ADGRL4: variants seen among roughly 807,000 people sequenced by gnomAD.
The protein encoded by ADGRL4 is adhesion G protein-coupled receptor L4, also known as EGF, latrophilin and seven transmembrane domain containing 1.
In ADGRL4, 90 loss-of-function variants were observed where a neutral mutation model predicts 74.8. The observed-to-expected ratio is 1.20, with a 90% CI of 1.02 to 1.43. ADGRL4 has a LOEUF of 1.43. Among genes scored for constraint, ADGRL4 ranks in the 40% most tolerant of loss-of-function variants. ADGRL4 has a pLI of 0.00. For synonymous variants in ADGRL4, 311 were observed against 279.2 expected, an observed-to-expected ratio of 1.11 and a Z score of -1.14; for missense variants, 881 against 814.3, an observed-to-expected ratio of 1.08 and a Z score of -1.00.
chr1:78,893,058 C>CAAAAAAAAAAAAAA (rs10640737), intron 13 of ADGRL4, 40 bp downstream of exon 13: 1 of 777,714 alleles, frequency 1.3e-6, no homozygotes. Context: ...TTTTAATTAC[C>CAAAAAAAAAAAAAA]AAAAAAAAAA....
intron 2 of ADGRL4, among the ~76,000 whole-genome samples, chr1:78,947,568 T>C (rs896229109): frequency 1.3e-5 from 2 of 151,942 alleles, no homozygotes; most frequent in African/African-American, 4.8e-5. Context: ...AATAAATTTC[T>C]GATATTTTAA....
At chr1:78,892,436 C>T (rs1423087888) in intron 13 of ADGRL4, among the ~76,000 whole-genome samples, 1 of 152,054 alleles carries the variant, frequency 6.6e-6, no homozygotes, top group African/African-American at 2.4e-5. Context: ...ATTTTTAGTC[C>T]AGTCATTCTT....
At chr1:78,939,939 G>T (rs1341725876) in intron 3 of ADGRL4, 7 of 152,454 alleles carry the variant, frequency 4.6e-5, no homozygotes, top group African/African-American at 1.7e-4. Flanking sequence ...GACAATGGCA[G>T]AACAAACTTA....
chr1:78,999,442 A>G (rs986283797), intron 2 of ADGRL4, among the ~76,000 whole-genome samples: 139 of 152,166 alleles, frequency 9.1e-4, no homozygotes, highest in Non-Finnish European at 7.5e-4. Flanking sequence ...GCGTCGTGGC[A>G]GGCGCCTGTA....
intron 2 of ADGRL4, among the ~76,000 whole-genome samples, chr1:78,981,871 A>G (rs1013465438): frequency 6.6e-6 from 1 of 151,784 alleles, no homozygotes; most frequent in Non-Finnish European, 1.5e-5. Context: ...CCTTGACATA[A>G]TTACAGCACA....
intron 12 of ADGRL4, among the ~76,000 whole-genome samples, chr1:78,908,194 T>C (rs1648685475): frequency 6.6e-6 from 1 of 151,984 alleles, no homozygotes; most frequent in Non-Finnish European, 1.5e-5. Flanking sequence ...AAAGAAAGGC[T>C]CCCTCTTGTA....
At chr1:78,965,547 A>G (rs917936107) in intron 2 of ADGRL4, among the ~76,000 whole-genome samples, 1 of 152,194 alleles carries the variant, frequency 6.6e-6, no homozygotes, top group African/African-American at 2.4e-5. Context: ...ACCAACAAAA[A>G]GTATAACTAG....
intron 7 of ADGRL4, among the ~76,000 whole-genome samples, chr1:78,930,447 ATTTTTTTTTTT>A (rs750792474): frequency 1.0e-5 from 1 of 97,290 alleles, no homozygotes; most frequent in Non-Finnish European, 1.9e-5. Context: ...GGAAAAGCTG[ATTTTTTTTTTT>A]TTTTTTTTTT....
At chr1:78,907,297 G>A (rs922075565) in intron 12 of ADGRL4, among the ~76,000 whole-genome samples, 7 of 151,944 alleles carry the variant, frequency 4.6e-5, no homozygotes, top group East Asian at 3.9e-4. Flanking sequence ...TCTTATGTCC[G>A]TGATGATTTA....
intron 2 of ADGRL4, among the ~76,000 whole-genome samples, chr1:79,002,920 A>G (rs1650873684): frequency 6.6e-6 from 1 of 152,154 alleles, no homozygotes; most frequent in Admixed American, 6.5e-5. Flanking sequence ...TTACTTGTTC[A>G]AAACTTGCTC....
chr1:78,937,950 G>A lies in ADGRL4; in HGVS notation c.617C>T (p.Thr206Ile), dbSNP rs556732595. The A allele has an allele frequency of 7.4e-6, 12 of 1,612,120 alleles. No individual in the cohort carries two copies. The South Asian group carries it at 1.1e-4, about 15-fold the overall frequency. ...AGATAACTTGTCCCAAACTACAAAT[G>A]TATCCCTTTGAACAAAATTATTCAC... The part of the protein sequence containing the change: ...KTVNNFVQRD[T>I]FVVWDKLSVN... The change falls in exon 6 of 15, where the codon ACA becomes ATA. Residue 206 changes from threonine to isoleucine, a missense_variant. Physicochemically the swap from Thr to Ile is moderately conservative, Grantham distance 89. Coordinates refer to ENST00000370742, the MANE Select transcript of ADGRL4 (RefSeq NM_022159.4).
At chr1:78,966,681 G>A (rs543551106) in intron 2 of ADGRL4, among the ~76,000 whole-genome samples, 80 of 152,114 alleles carry the variant, frequency 5.3e-4, no homozygotes, top group African/African-American at 1.5e-3. Flanking sequence ...GGAATGCCAC[G>A]CATTCACATC....
intron 2 of ADGRL4, among the ~76,000 whole-genome samples, chr1:78,961,201 C>A (rs938497122): frequency 6.6e-6 from 1 of 151,974 alleles, no homozygotes; most frequent in Non-Finnish European, 1.5e-5. Context: ...CCTGCCTCAG[C>A]CTCCCCAGTA....
At chr1:78,979,881 A>G (rs1650365085) in intron 2 of ADGRL4, among the ~76,000 whole-genome samples, 2 of 151,884 alleles carry the variant, frequency 1.3e-5, no homozygotes, top group Admixed American at 6.6e-5. Context: ...GACTTTAGGA[A>G]CTTGAGGGGA....
At chr1:78,993,074 G>GT (rs1276658582) in intron 2 of ADGRL4, among the ~76,000 whole-genome samples, 1 of 152,004 alleles carries the variant, frequency 6.6e-6, no homozygotes, top group Non-Finnish European at 1.5e-5. Context: ...CTAGAAGAAA[G>GT]TAACACTTAA....
chr1:78,927,262 A>G (rs1649137178), intron 7 of ADGRL4, among the ~76,000 whole-genome samples, 171 bp from the exon 8 acceptor site: 1 of 152,116 alleles, frequency 6.6e-6, no homozygotes, highest in Non-Finnish European at 1.5e-5. Context: ...TTGTTAAACC[A>G]TAGGAAGACA....
At chr1:78,952,062 G>C (rs1446166138) in intron 2 of ADGRL4, among the ~76,000 whole-genome samples, 1 of 151,618 alleles carries the variant, frequency 6.6e-6, no homozygotes, top group Admixed American at 6.6e-5. Context: ...TTAATCTATT[G>C]ACCAAAGATG....
chr1:78,918,062 AG>A lies in ADGRL4; in HGVS notation c.1462-13del, dbSNP rs1378312451. The A allele has an allele frequency of 9.6e-6, 15 of 1,561,278 alleles. No homozygotes were observed. The highest frequency in any genetic ancestry group is 4.5e-5 in the East Asian group (2 of 44,384). The stretch of plus-strand genomic sequence containing the variant: ...ATTGAACAGAAGAGCTAGAAATCAA[AG>A]AAAAAAAAAAAAACATTGTCAGTGT... On this transcript the variant is annotated splice_polypyrimidine_tract_variant and intron_variant, in intron 10 of 14. Transcript: ENST00000370742.
chr1:78,948,956 A>C (rs1449515217), intron 2 of ADGRL4, among the ~76,000 whole-genome samples: 2 of 152,144 alleles, frequency 1.3e-5, no homozygotes, highest in African/African-American at 4.8e-5. Flanking sequence ...TTAACACAGA[A>C]GCATATAATT....
Sources: gnomAD v4.1 joint callset for allele counts (sites outside exome capture counted in the v4.1 genomes callset) on GRCh38, gnomAD v4.1.1 for gene constraint, MANE v1.5 for transcripts, NCBI Gene and HGNC (gene_info 2026-07-23, HGNC 2026-07-21) for gene names.